Variants in DLG2 observed in about 807,000 individuals in gnomAD.
DLG2 encodes the protein discs large MAGUK scaffold protein 2.
Under a neutral mutation model 132.5 loss-of-function variants are expected in DLG2, and 45 were observed. The ratio of observed to expected loss-of-function variants is 0.34; its 90% CI spans 0.27 to 0.44. The LOEUF (loss-of-function observed/expected upper bound fraction) is 0.44, where lower values mean the gene tolerates loss of function less well. Among genes scored for constraint, DLG2 ranks in the 20% least tolerant of loss-of-function variants. The probability of loss-of-function intolerance (pLI) is 1.00; values close to 1 mark genes in which losing one functional copy is unlikely to be tolerated. For missense variants in DLG2, 1,045 were observed against 1,196.9 expected (o/e 0.87, Z 1.87); for synonymous variants, 424 against 419.6 (o/e 1.01, Z -0.13).
chr11:83,669,338 C>T (rs2076428683), intron 18 of DLG2, among the ~76,000 whole-genome samples: 1 of 152,126 alleles, frequency 6.6e-6, no homozygotes. Flanking sequence ...TATGTTTCTG[C>T]TGAAAAGTCT....
intron 7 of DLG2, among the ~76,000 whole-genome samples, chr11:84,414,834 C>CA (rs2098923538): frequency 6.6e-6 from 1 of 152,066 alleles, no homozygotes; most frequent in African/African-American, 2.4e-5. Flanking sequence ...TTATGCATAG[C>CA]AAATATAAAT....
chr11:85,197,927 A>C (rs1282415782), intron 4 of DLG2, among the ~76,000 whole-genome samples: 2 of 152,222 alleles, frequency 1.3e-5, no homozygotes, highest in Non-Finnish European at 2.9e-5. Flanking sequence ...GTTATACTAC[A>C]AAGTTGTTAC....
At chr11:84,884,629 C>G (rs2087919041) in intron 6 of DLG2, among the ~76,000 whole-genome samples, 1 of 151,606 alleles carries the variant, frequency 6.6e-6, no homozygotes, top group Admixed American at 6.6e-5. Flanking sequence ...TTAAATTGCT[C>G]TTTGTAAGGT....
At chr11:85,101,226 C>A (rs1276788804) in intron 6 of DLG2, among the ~76,000 whole-genome samples, 1 of 152,026 alleles carries the variant, frequency 6.6e-6, no homozygotes, top group African/African-American at 2.4e-5. Context: ...TTTCCATACA[C>A]CTGCTCTCAT....
intron 7 of DLG2, among the ~76,000 whole-genome samples, chr11:84,466,283 G>T (rs1188640193): frequency 1.3e-5 from 2 of 151,142 alleles, no homozygotes; most frequent in Non-Finnish European, 3.0e-5. Flanking sequence ...TAACCTAAGA[G>T]AAAAGAAAGC....
intron 13 of DLG2, among the ~76,000 whole-genome samples, chr11:83,963,396 C>T (rs7937234): frequency 0.19 from 29,315 of 151,840 alleles, 4,014 homozygotes; most frequent in African/African-American, 0.39. Flanking sequence ...TATCCAATTA[C>T]TGAGAGTAAA....
At chr11:83,910,843 C>T (rs1047222003) in intron 15 of DLG2, among the ~76,000 whole-genome samples, 1 of 152,056 alleles carries the variant, frequency 6.6e-6, no homozygotes. Flanking sequence ...ACACACTGAA[C>T]ATTTGAGAAC....
At chr11:83,711,619 C>T (rs1364138881) in intron 18 of DLG2, among the ~76,000 whole-genome samples, 1 of 152,198 alleles carries the variant, frequency 6.6e-6, no homozygotes, top group African/African-American at 2.4e-5. Context: ...CCAGCTTTCA[C>T]AGTTGTAAGA....
chr11:84,484,131 G>A (rs1294567620), intron 7 of DLG2, among the ~76,000 whole-genome samples: 2 of 152,054 alleles, frequency 1.3e-5, no homozygotes, highest in Non-Finnish European at 2.9e-5. Flanking sequence ...ACAAGAGATG[G>A]TTGCACCTCA....
intron 18 of DLG2, among the ~76,000 whole-genome samples, chr11:83,741,056 G>A (rs2092468277): frequency 6.6e-6 from 1 of 152,110 alleles, no homozygotes; most frequent in South Asian, 2.1e-4. Context: ...AAAAACATAT[G>A]ATCATCTTAA....
At chr11:85,143,878 TGAAA>T (rs2076662883) in intron 5 of DLG2, among the ~76,000 whole-genome samples, 1 of 151,910 alleles carries the variant, frequency 6.6e-6, no homozygotes, top group African/African-American at 2.4e-5. Flanking sequence ...ACCCATGTGC[TGAAA>T]GAAAGAATGT....
At chr11:84,611,406 G>T (rs1036079277) in intron 6 of DLG2, among the ~76,000 whole-genome samples, 1 of 152,084 alleles carries the variant, frequency 6.6e-6, no homozygotes, top group Non-Finnish European at 1.5e-5. Flanking sequence ...GTCAACTATT[G>T]AACAATATGG....
At chr11:85,279,850 T>C (rs1336965094) in intron 4 of DLG2, among the ~76,000 whole-genome samples, 2 of 152,170 alleles carry the variant, frequency 1.3e-5, no homozygotes, top group Admixed American at 1.3e-4. Flanking sequence ...TAACTCCCTT[T>C]GTCTTCTGGA....
chr11:84,058,753 C>T (rs2096545527), intron 11 of DLG2, among the ~76,000 whole-genome samples: 1 of 151,316 alleles, frequency 6.6e-6, no homozygotes, highest in Non-Finnish European at 1.5e-5. Flanking sequence ...TCTGTTTCTG[C>T]AACTCCTCAG....
chr11:84,391,873 C>A (rs534386051), intron 7 of DLG2, among the ~76,000 whole-genome samples: 9 of 151,572 alleles, frequency 5.9e-5, no homozygotes, highest in Non-Finnish European at 1.3e-4. Context: ...TTAAATTTTG[C>A]CAGCTAAGGG....
intron 6 of DLG2, among the ~76,000 whole-genome samples, chr11:84,572,828 T>C (rs142028806): frequency 1.1e-3 from 160 of 152,222 alleles, no homozygotes; most frequent in African/African-American, 3.6e-3. Flanking sequence ...ATCACTGTCA[T>C]GCAAAACTAC....
chr11:85,009,403 G>T (rs140201671), intron 6 of DLG2, among the ~76,000 whole-genome samples: 1 of 152,122 alleles, frequency 6.6e-6, no homozygotes, highest in African/African-American at 2.4e-5. Flanking sequence ...ATGGTTTCTA[G>T]AACCTTTGTA....
intron 15 of DLG2, among the ~76,000 whole-genome samples, chr11:83,890,954 A>G (rs970627042): frequency 6.6e-6 from 1 of 152,156 alleles, no homozygotes; most frequent in Non-Finnish European, 1.5e-5. Flanking sequence ...GGTGCTTTAT[A>G]CTGAGAAAGG....
chr11:83,888,769 T>TGGAACA (rs1273666837), intron 15 of DLG2, among the ~76,000 whole-genome samples: 1 of 152,056 alleles, frequency 6.6e-6, no homozygotes, highest in African/African-American at 2.4e-5. Flanking sequence ...TATAGATCAA[T>TGGAACA]GGAACAGAAC....
Sources: allele counts gnomAD v4.1 joint callset (sites outside exome capture counted in the v4.1 genomes callset), GRCh38; gene constraint gnomAD v4.1.1; transcripts MANE v1.5; gene names NCBI Gene and HGNC (gene_info 2026-07-23, HGNC 2026-07-21).